The following SHROOM2 variants were observed in gnomAD, a reference collection of about 807,000 sequenced individuals.
SHROOM2 encodes protein Shroom2.
SHROOM2 carries 33 observed loss-of-function variants against 75.9 expected under a neutral mutation model. That is an observed-to-expected ratio of 0.43 (90% CI 0.33 to 0.58). The LOEUF (loss-of-function observed/expected upper bound fraction) is 0.58. Ranked by LOEUF, SHROOM2 falls within the 20% of genes least tolerant of loss-of-function variation. The pLI, the probability that SHROOM2 is intolerant of heterozygous loss-of-function variation, is 0.04. For missense variants in SHROOM2, 1,434 were observed against 1,461.2 expected (o/e 0.98, Z 0.30); for synonymous variants, 655 against 663.6 (o/e 0.99, Z 0.20).
chrX:9,817,965 C>T, intron 1 of SHROOM2, among the ~76,000 whole-genome samples: 1 of 111,909 alleles, frequency 8.9e-6, no homozygotes. Context: ...ATTTTTATAA[C>T]TGTATAAATG....
intron 1 of SHROOM2, among the ~76,000 whole-genome samples, chrX:9,790,744 G>A (rs2083643020): frequency 8.9e-6 from 1 of 112,066 alleles, no homozygotes; most frequent in African/African-American, 3.2e-5. Flanking sequence ...TTTCTTTCCT[G>A]TGCTGAAAGA....
Position 9,932,373 on chromosome X carries a change from G to A in SHROOM2, c.3090G>A (p.Leu1030=). The change falls in exon 6 of 10, where the codon TTG becomes TTA. Residue 1030 remains leucine (L), a synonymous_variant. Transcript: ENST00000380913. ...RYSEESTPAD[L]GPRAQSPGSP... is the part of the protein sequence containing the mutation. Reference sequence around the variant, plus strand: ...CGGAGGAGAGCACCCCAGCAGACTTGGGACCCCGAGCCCAGAGCCCTGGCT... The same window carrying A: ...CGGAGGAGAGCACCCCAGCAGACTTAGGACCCCGAGCCCAGAGCCCTGGCT... 1 of 1,209,382 alleles carries A rather than the reference G, an allele frequency of 8.3e-7. No homozygotes were observed.
rs112015112 is a variant in SHROOM2 at position 9,893,750 on chromosome X, G to A, written c.450-608G>A. The stretch of plus-strand genomic sequence containing the variant: ...GCAGATCACTTGAGGTCAGGAATTC[G>A]AGACCAGCCTGGCCAACATGGTGAA... On this transcript the variant is annotated intron_variant, in intron 3 of 9. Transcript: ENST00000380913. Among the ~76,000 whole-genome samples, 383 of 110,012 alleles carry A rather than the reference G, an allele frequency of 3.5e-3. 3 individuals are homozygous for A. The highest frequency in any genetic ancestry group is 0.012 in the African/African-American group (365 of 30,285).
chrX:9,796,956 G>A (rs774400990), intron 1 of SHROOM2, among the ~76,000 whole-genome samples: 2 of 112,192 alleles, frequency 1.8e-5, no homozygotes, highest in South Asian at 7.4e-4. Context: ...AGAGTAGGGT[G>A]TTAAAAAAGT....
intron 1 of SHROOM2, among the ~76,000 whole-genome samples, chrX:9,855,915 C>G (rs2084067741): frequency 9.0e-6 from 1 of 111,171 alleles, no homozygotes; most frequent in Admixed American, 9.7e-5. Flanking sequence ...CCAAAGCGCA[C>G]TAAAAATCTT....
intron 5 of SHROOM2, among the ~76,000 whole-genome samples, chrX:9,901,351 C>T (rs149660712): frequency 2.3e-3 from 257 of 111,885 alleles, no homozygotes; most frequent in African/African-American, 8.2e-3. Context: ...CAGTTCAGTC[C>T]CTAACACTGG....
intron 1 of SHROOM2, among the ~76,000 whole-genome samples, chrX:9,848,758 C>T (rs1167676331): frequency 9.0e-6 from 1 of 110,555 alleles, no homozygotes; most frequent in African/African-American, 3.3e-5. Context: ...ATCAGTTTAT[C>T]GACAAGATGG....
At chrX:9,931,315 A>G (rs1296485549) in intron 5 of SHROOM2, among the ~76,000 whole-genome samples, 1 of 109,294 alleles carries the variant, frequency 9.1e-6, no homozygotes, top group Non-Finnish European at 1.9e-5. Context: ...GGAGTTCAAG[A>G]CCAGCCTGAC....
chrX:9,800,956 T>C (rs1035528133), intron 1 of SHROOM2, among the ~76,000 whole-genome samples: 11 of 111,604 alleles, frequency 9.9e-5, no homozygotes, highest in Non-Finnish European at 1.9e-4. Flanking sequence ...TTTTCCACCC[T>C]CGTTTGCCAG....
At chrX:9,817,819 T>C (rs1458475330) in intron 1 of SHROOM2, among the ~76,000 whole-genome samples, 4 of 112,003 alleles carry the variant, frequency 3.6e-5, no homozygotes, top group Non-Finnish European at 1.9e-5. Context: ...ACAGCCTCAG[T>C]ACCTAACAAT....
At chrX:9,807,941 A>G (rs1189682558) in intron 1 of SHROOM2, among the ~76,000 whole-genome samples, 1 of 111,403 alleles carries the variant, frequency 9.0e-6, no homozygotes, top group African/African-American at 3.3e-5. Context: ...AGAGGAAGAG[A>G]GCCTGACTTG....
chrX:9,793,436 C>T (rs1047307003), intron 1 of SHROOM2, among the ~76,000 whole-genome samples: 2 of 109,624 alleles, frequency 1.8e-5, no homozygotes, highest in African/African-American at 6.7e-5. Context: ...ATTACAGGCT[C>T]GAGCCACCAT....
chrX:9,940,186 C>A (rs1319205165), intron 8 of SHROOM2, among the ~76,000 whole-genome samples: 1 of 111,844 alleles, frequency 8.9e-6, no homozygotes, highest in South Asian at 3.7e-4. Flanking sequence ...CGGTACCATT[C>A]GCTTCATTCT....
Position 9,895,274 on chromosome X carries a change from A to G in SHROOM2, c.1366A>G (p.Ser456Gly). ...EPGAASFQNDSPPQVRGLSSC... is the reference protein window; with the variant it reads ...EPGAASFQNDGPPQVRGLSSC... ...AGGGGCTGCCAGCTTCCAGAACGACAGCCCTCCTCAGGTGAGGGGGCTCAG... is the reference window on the plus strand; with the variant it reads ...AGGGGCTGCCAGCTTCCAGAACGACGGCCCTCCTCAGGTGAGGGGGCTCAG... The change falls in exon 4 of 10, where the codon AGC (serine) becomes GGC (glycine). Residue 456 changes from serine (S) to glycine (G), a missense_variant. Transcript: ENST00000380913. The G allele has an allele frequency of 8.5e-7, 1 of 1,182,844 alleles. No homozygotes were observed. Among genetic ancestry groups the G allele is most frequent in the South Asian group, 1.9e-5 (1 of 52,125 alleles).
intron 8 of SHROOM2, among the ~76,000 whole-genome samples, chrX:9,939,928 A>G (rs1158663312): frequency 9.0e-6 from 1 of 111,321 alleles, no homozygotes; most frequent in Non-Finnish European, 1.9e-5. Flanking sequence ...CTGGGATTAC[A>G]GGCACCTGCC....
chrX:9,825,965 G>T (rs888601228), intron 1 of SHROOM2, among the ~76,000 whole-genome samples: 1 of 112,509 alleles, frequency 8.9e-6, no homozygotes. Context: ...GAACCTCTGT[G>T]TGTGTCTGAA....
intron 1 of SHROOM2, among the ~76,000 whole-genome samples, chrX:9,868,446 A>G (rs1037550083): frequency 2.7e-5 from 3 of 109,323 alleles, no homozygotes; most frequent in Admixed American, 9.9e-5. Context: ...GGGTTTCACC[A>G]TCTTGGGCAG....
At chrX:9,796,129 C>T (rs187596632) in intron 1 of SHROOM2, among the ~76,000 whole-genome samples, 6 of 111,836 alleles carry the variant, frequency 5.4e-5, no homozygotes, top group East Asian at 5.6e-4. Flanking sequence ...CCCCTCACTT[C>T]TCTTCCTCAC....
At chrX:9,787,609 G>A (rs2083622338) in intron 1 of SHROOM2, among the ~76,000 whole-genome samples, 1 of 112,139 alleles carries the variant, frequency 8.9e-6, no homozygotes, top group Non-Finnish European at 1.9e-5. Flanking sequence ...TGGTTTTCTC[G>A]GCTTTCCTGC....
Sources: gnomAD v4.1 joint callset for allele counts (sites outside exome capture counted in the v4.1 genomes callset) on GRCh38, gnomAD v4.1.1 for gene constraint, MANE v1.5 for transcripts, NCBI Gene and HGNC (gene_info 2026-07-23, HGNC 2026-07-21) for gene names.